TWIST2: variants seen among roughly 807,000 people sequenced by gnomAD.
TWIST2 encodes the protein twist-related protein 2.
Under a neutral mutation model 11.6 loss-of-function variants are expected in TWIST2, and 1 was observed. The observed-to-expected ratio is 0.09, with a 90% CI of 0.03 to 0.41. The LOEUF (loss-of-function observed/expected upper bound fraction) is 0.41. TWIST2 is among the 10% of genes least tolerant of loss of function. The pLI is 0.98. For synonymous variants in TWIST2, 87 were observed against 96.6 expected, an observed-to-expected ratio of 0.90 and a Z score of 0.58; for missense variants, 168 against 226.4, an observed-to-expected ratio of 0.74 and a Z score of 1.66.
intron 1 of TWIST2, among the ~76,000 whole-genome samples, chr2:238,880,846 C>T (rs919455871): frequency 1.8e-5 from 2 of 113,026 alleles, no homozygotes; most frequent in South Asian, 3.1e-4. Context: ...AGTGTTAGTA[C>T]TAGTATTTAT....
At chr2:238,870,376 C>T (rs999907458) in intron 1 of TWIST2, among the ~76,000 whole-genome samples, 1 of 32,858 alleles carries the variant, frequency 3.0e-5, no homozygotes, top group Non-Finnish European at 7.7e-5. Context: ...CCACACACCC[C>T]ACACACCCCA....
At chr2:238,880,897 T>C (rs1464742989) in intron 1 of TWIST2, among the ~76,000 whole-genome samples, 1 of 106,620 alleles carries the variant, frequency 9.4e-6, no homozygotes, top group African/African-American at 3.5e-5. Flanking sequence ...TGGTATTTAT[T>C]ATTATTAGTG....
intron 1 of TWIST2, among the ~76,000 whole-genome samples, chr2:238,885,102 G>C (rs1244673050): frequency 1.3e-5 from 2 of 152,206 alleles, no homozygotes; most frequent in African/African-American, 4.8e-5. Context: ...AGCCCTCAGT[G>C]CCCTCCCAGA....
intron 1 of TWIST2, among the ~76,000 whole-genome samples, chr2:238,894,657 A>G (rs905338365): frequency 1.3e-5 from 2 of 151,920 alleles, no homozygotes; most frequent in Admixed American, 6.6e-5. Context: ...CCCCAGAGTC[A>G]ATGCTGTCTT....
intron 1 of TWIST2, chr2:238,887,132 C>T (rs1253916560): frequency 4.6e-5 from 7 of 152,124 alleles, no homozygotes; most frequent in African/African-American, 1.7e-4. Context: ...AGCAACACTG[C>T]CAACACCATC....
rs142505801 is a variant in TWIST2 at position 238,881,328 on chromosome 2, A to G, written c.*36-28514A>G. Among the ~76,000 whole-genome samples the G allele has an allele frequency of 1.8e-3, 269 of 147,128 alleles. 1 individual carries two copies. Among genetic ancestry groups the G allele is most frequent in the African/African-American group, 6.4e-3 (251 of 39,480 alleles). On this transcript the variant is annotated intron_variant, in intron 1 of 1. Transcript: ENST00000612363. ...TAGTATTAGTGTTAGTGTTGGTGTTAATATTAGCATTAGTGTCAGTGTTAG... is the reference window on the plus strand; with the variant it reads ...TAGTATTAGTGTTAGTGTTGGTGTTGATATTAGCATTAGTGTCAGTGTTAG...
chr2:238,884,049 C>A (rs1172254275), intron 1 of TWIST2, among the ~76,000 whole-genome samples: 1 of 152,228 alleles, frequency 6.6e-6, no homozygotes, highest in Non-Finnish European at 1.5e-5. Flanking sequence ...AATCCGAATT[C>A]TTCCAGCCTT....
At chr2:238,897,263 G>C (rs1466853176) in intron 1 of TWIST2, among the ~76,000 whole-genome samples, 2 of 152,162 alleles carry the variant, frequency 1.3e-5, no homozygotes, top group Non-Finnish European at 2.9e-5. Context: ...GGGACTAAGC[G>C]GGGATGGTAA....
intron 1 of TWIST2, among the ~76,000 whole-genome samples, chr2:238,898,817 TCCCGGC>T (rs1164915446): frequency 6.6e-6 from 1 of 152,202 alleles, no homozygotes; most frequent in Non-Finnish European, 1.5e-5. Context: ...TGGCAGAGGG[TCCCGGC>T]CCTTGCATCT....
chr2:238,899,318 C>G (rs1693242521), intron 1 of TWIST2, among the ~76,000 whole-genome samples: 1 of 152,268 alleles, frequency 6.6e-6, no homozygotes, highest in African/African-American at 2.4e-5. Flanking sequence ...GAAAACAGCT[C>G]CTTGCTCTCT....
intron 1 of TWIST2, among the ~76,000 whole-genome samples, chr2:238,872,603 A>G (rs1692727883): frequency 6.6e-6 from 1 of 152,210 alleles, no homozygotes; most frequent in Admixed American, 6.5e-5. Flanking sequence ...ATGAGTCTTC[A>G]AGGTCATTCT....
At chr2:238,881,150 ATTAGTATTAGTGTTATG>A (rs1692917098) in intron 1 of TWIST2, among the ~76,000 whole-genome samples, 2 of 105,386 alleles carry the variant, frequency 1.9e-5, no homozygotes, top group Non-Finnish European at 3.7e-5. Context: ...TACTGTTAGT[ATTAGTATTAGTGTTATG>A]TTAGTATTAG....
chr2:238,901,734 G>A (rs1344022716), intron 1 of TWIST2, among the ~76,000 whole-genome samples: 2 of 152,282 alleles, frequency 1.3e-5, no homozygotes, highest in African/African-American at 4.8e-5. Flanking sequence ...GAAGGACCGC[G>A]CCCACCAGGC....
intron 1 of TWIST2, among the ~76,000 whole-genome samples, chr2:238,870,315 ACCCC>A (rs1456698738): frequency 0.038 from 2 of 52 alleles, no homozygotes; most frequent in Admixed American, 0.1. Flanking sequence ...CACCCCACAC[ACCCC>A]CACACACCCC....
At chr2:238,887,083 G>C (rs1172430565) in intron 1 of TWIST2, 1 of 151,948 alleles carries the variant, frequency 6.6e-6, no homozygotes, top group Non-Finnish European at 1.5e-5. Context: ...TATCATTTGA[G>C]CTCCTAAGGG....
intron 1 of TWIST2, among the ~76,000 whole-genome samples, chr2:238,906,436 G>A (rs971886239): frequency 1.9e-4 from 29 of 149,584 alleles, no homozygotes; most frequent in African/African-American, 4.2e-4. Flanking sequence ...ACACGGATGC[G>A]CACACACACA....
Position 238,866,078 on chromosome 2 carries a change from CA to C in TWIST2, c.*35+17346del, listed in dbSNP as rs1457931204. On this transcript the variant is annotated intron_variant, in intron 1 of 1. Coordinates refer to ENST00000612363, the MANE Select transcript of TWIST2 (RefSeq NM_001271893.4). This position sits in a 1 kb window ranked among gnomAD's most constrained non-coding sequence, Gnocchi z 4.9. ...ATGGAATAGCATGGACGATGCACCC[CA>C]CACTGCATCTGGTGTTACTGGGACC... Among the ~76,000 whole-genome samples the C allele has an allele frequency of 1.3e-5, 2 of 152,172 alleles. No individual in the cohort carries two copies. Among genetic ancestry groups the C allele is most frequent in the Non-Finnish European group, 2.9e-5 (2 of 68,044 alleles).
In TWIST2 at chr2:238,872,760, A is replaced by T. The variant is rs147788308; in HGVS notation, c.*35+24027A>T. ...ACCAGGACGATTTACTGGACAGGTG[A>T]CCAGTGTTGTTCCCATTCTGCAGAT... On this transcript the variant is annotated intron_variant, in intron 1 of 1. Transcript: ENST00000612363. Among the ~76,000 whole-genome samples the T allele has an allele frequency of 5.1e-3, 784 of 152,338 alleles. 21 individuals carry two copies. The highest frequency in any genetic ancestry group is 0.04 in the Admixed American group (616 of 15,304).
rs546785201 is a variant in TWIST2, at chr2:238,867,625, C to T, written c.*35+18892C>T. ...CACGGAGGAGCTGTCAGCAAGCAGG[C>T]GTCCGAAGATTGAGATCACAGAGGG... On this transcript the variant is annotated intron_variant, in intron 1 of 1. Transcript: ENST00000612363. This position sits in a 1 kb window ranked among gnomAD's most constrained non-coding sequence, Gnocchi z 4.8. Among the ~76,000 whole-genome samples the T allele has an allele frequency of 6.6e-5, 10 of 152,228 alleles. No homozygotes were observed. In the East Asian group the frequency reaches 7.7e-4, roughly 12 times the overall value.
Sources: allele counts gnomAD v4.1 joint callset (sites outside exome capture counted in the v4.1 genomes callset), GRCh38; gene constraint gnomAD v4.1.1; non-coding constraint Gnocchi (gnomAD v3.1); transcripts MANE v1.5; gene names NCBI Gene and HGNC (gene_info 2026-07-23, HGNC 2026-07-21).